The following MAP4K5 variants were observed in gnomAD, a reference collection of about 807,000 sequenced individuals.
MAP4K5 encodes the protein mitogen-activated protein kinase kinase kinase kinase 5, also known as MAPK/ERK kinase kinase kinase 5.
Under a neutral mutation model 135.6 loss-of-function variants are expected in MAP4K5, and 82 were observed. The observed-to-expected ratio is 0.60, with a 90% CI of 0.51 to 0.73. MAP4K5 has a LOEUF of 0.73. Among genes scored for constraint, MAP4K5 ranks in the 30% least tolerant of loss-of-function variants. The probability of loss-of-function intolerance (pLI) is 0.00; values close to 1 mark genes in which losing one functional copy is unlikely to be tolerated. For missense variants in MAP4K5, 907 were observed against 1,010.9 expected (o/e 0.90, Z 1.39); for synonymous variants, 347 against 335.0 (o/e 1.04, Z -0.39).
chr14:50,550,406 T>A (rs544123760), intron 1 of MAP4K5, among the ~76,000 whole-genome samples: 1 of 152,352 alleles, frequency 6.6e-6, no homozygotes, highest in South Asian at 2.1e-4. Context: ...CAGCTGGTAA[T>A]GTCTTCTGAA....
chr14:50,527,456 G>A (rs1300177700), intron 2 of MAP4K5, among the ~76,000 whole-genome samples: 1 of 151,202 alleles, frequency 6.6e-6, no homozygotes, highest in Admixed American at 6.6e-5. Context: ...TAACGACTAG[G>A]GAAAATGCTG....
At chr14:50,465,274 A>G (rs893774205) in intron 11 of MAP4K5, among the ~76,000 whole-genome samples, 2 of 152,190 alleles carry the variant, frequency 1.3e-5, no homozygotes, top group Admixed American at 1.3e-4. Flanking sequence ...AAAAATGGAT[A>G]TACATACAGA....
rs1566677014 is a variant in MAP4K5 at position 50,493,560 on chromosome 14, AG to A, written c.167-7367del. 3.9e-5 allele frequency among the ~76,000 whole-genome samples: 6 copies of A among 152,324 alleles called. No homozygotes were observed. In the South Asian group the frequency reaches 1.2e-3, roughly 32 times the overall value. On this transcript the variant is annotated intron_variant, in intron 3 of 32. Transcript: ENST00000682126. ...CGATCATATGTATAGAAAATCCTAA[AG>A]TCCATTAAAAAAATCTATTAGAACA...
chr14:50,531,934 T>C lies in MAP4K5; in HGVS notation c.108+8A>G, dbSNP rs772494156. ...CCGCAGGAAAAAAGCACGGCCAGCCTCACTTACCTTATAGACGTCCCCGTA... is the reference window on the plus strand; with the variant it reads ...CCGCAGGAAAAAAGCACGGCCAGCCCCACTTACCTTATAGACGTCCCCGTA... On this transcript the variant is annotated splice_region_variant and intron_variant, in intron 2 of 32. Transcript: ENST00000682126. 1.5e-5 allele frequency: 23 copies of C among 1,578,366 alleles called. No homozygotes were observed. The highest frequency in any genetic ancestry group is 2.0e-5 in the Non-Finnish European group (23 of 1,158,052).
intron 9 of MAP4K5, among the ~76,000 whole-genome samples, chr14:50,469,456 T>C (rs1319478026): frequency 1.3e-5 from 2 of 152,148 alleles, no homozygotes; most frequent in Non-Finnish European, 2.9e-5. Context: ...CTACTGTTTA[T>C]ACAAAAAAGG....
At chr14:50,550,957 A>C (rs2038695026) in intron 1 of MAP4K5, among the ~76,000 whole-genome samples, 1 of 152,172 alleles carries the variant, frequency 6.6e-6, no homozygotes, top group Non-Finnish European at 1.5e-5. Context: ...AAAGAGCACA[A>C]ATAGACAACC....
At chr14:50,540,568 C>T (rs1263368000) in intron 2 of MAP4K5, among the ~76,000 whole-genome samples, 6 of 152,266 alleles carry the variant, frequency 3.9e-5, no homozygotes, top group Admixed American at 3.3e-4. Context: ...GGGTGATTCT[C>T]ATACATTCTG....
intron 2 of MAP4K5, among the ~76,000 whole-genome samples, chr14:50,522,768 T>A (rs2038178389): frequency 6.6e-6 from 1 of 152,146 alleles, no homozygotes; most frequent in Non-Finnish European, 1.5e-5. Context: ...AGTTCAGCTG[T>A]GTTACTATCA....
chr14:50,548,011 GTC>G (rs1338661275), intron 1 of MAP4K5, among the ~76,000 whole-genome samples: 2 of 152,142 alleles, frequency 1.3e-5, no homozygotes, highest in Non-Finnish European at 2.9e-5. Flanking sequence ...TAACCTCAGA[GTC>G]TCTTGCAGAT....
At chr14:50,545,915 T>C (rs905882020) in intron 1 of MAP4K5, among the ~76,000 whole-genome samples, 5 of 152,212 alleles carry the variant, frequency 3.3e-5, no homozygotes, top group African/African-American at 1.2e-4. Context: ...CTCAAATGTT[T>C]CACCTTCAGC....
At chr14:50,535,473 C>T (rs766738686), upstream of MAP4K5, among the ~76,000 whole-genome samples, 7 of 152,060 alleles carry the variant, frequency 4.6e-5, no homozygotes, top group Admixed American at 2.0e-4. Context: ...CAACATGTAA[C>T]TCTATGATTC....
At chr14:50,511,079 TAAAC>T (rs1484703908) in intron 2 of MAP4K5, among the ~76,000 whole-genome samples, 2 of 152,198 alleles carry the variant, frequency 1.3e-5, no homozygotes, top group South Asian at 2.1e-4. Flanking sequence ...GGTGAATACA[TAAAC>T]AAACTGTGGT....
chr14:50,434,922 G>T, intron 27 of MAP4K5, 40 bp downstream of exon 27: 1 of 1,339,660 alleles, frequency 7.5e-7, no homozygotes, highest in Non-Finnish European at 1.1e-6. Context: ...ATACACTAGT[G>T]TTTTCTAAAG....
chr14:50,443,963 T>C lies in MAP4K5; in HGVS notation c.1413A>G (p.Arg471=), dbSNP rs570048180. Residue 471 remains arginine, a synonymous_variant, in exon 19 of 33, where the codon CGA becomes CGG. Coordinates refer to ENST00000682126, the MANE Select transcript of MAP4K5 (RefSeq NM_006575.6). ...CAGGGAAGTCTCGTTTGTCCTTTTT[T>C]CGTGGTAACTGTGGTGCTTGTGCTG... The part of the protein sequence containing the change: ...EGSAQAPQLP[R]KKDKRDFPKP... 1.2e-6 allele frequency: 2 copies of C among 1,608,886 alleles called. No homozygotes were observed. Among genetic ancestry groups the C allele is most frequent in the South Asian group, 1.1e-5 (1 of 89,968 alleles).
intron 1 of MAP4K5, among the ~76,000 whole-genome samples, chr14:50,547,306 T>C (rs1488168932): frequency 2.6e-5 from 4 of 152,132 alleles, no homozygotes; most frequent in Non-Finnish European, 4.4e-5. Flanking sequence ...ACTCAGTGAA[T>C]GTCTGAGTGA....
intron 30 of MAP4K5, among the ~76,000 whole-genome samples, chr14:50,426,294 G>T (rs1012693471): frequency 6.6e-6 from 1 of 151,976 alleles, no homozygotes; most frequent in African/African-American, 2.4e-5. Flanking sequence ...TGTCTTAAAT[G>T]AATAAAATCA....
chr14:50,455,734 T>C (rs1200222420), intron 14 of MAP4K5, among the ~76,000 whole-genome samples: 4 of 152,122 alleles, frequency 2.6e-5, no homozygotes, highest in Non-Finnish European at 1.5e-5. Flanking sequence ...TATTTTCCTC[T>C]AGTATGGTTT....
chr14:50,508,438 C>T (rs980619509), intron 2 of MAP4K5, among the ~76,000 whole-genome samples: 3 of 152,062 alleles, frequency 2.0e-5, no homozygotes, highest in African/African-American at 7.2e-5. Context: ...AAGCTGGAAA[C>T]CATCATTCTG....
chr14:50,551,922 T>A (rs567099680), intron 1 of MAP4K5, among the ~76,000 whole-genome samples: 1 of 151,948 alleles, frequency 6.6e-6, no homozygotes, highest in South Asian at 2.1e-4. Context: ...ACAAGGAAAA[T>A]TTGAAAGCAT....
Sources: gnomAD v4.1 joint callset for allele counts (sites outside exome capture counted in the v4.1 genomes callset) on GRCh38, gnomAD v4.1.1 for gene constraint, MANE v1.5 for transcripts, NCBI Gene and HGNC (gene_info 2026-07-23, HGNC 2026-07-21) for gene names.